The following ATP11C variants were observed in gnomAD, a reference collection of about 807,000 sequenced individuals.
ATP11C encodes the protein phospholipid-transporting ATPase IG.
A neutral mutation model predicts 97.4 loss-of-function variants in ATP11C; 36 were observed. That is an observed-to-expected ratio of 0.37 (90% CI 0.28 to 0.49). The LOEUF is 0.49. ATP11C is among the 20% of genes least tolerant of loss of function. The pLI, the probability that ATP11C is intolerant of heterozygous loss-of-function variation, is 0.98. For missense variants in ATP11C, 730 were observed against 824.6 expected, an observed-to-expected ratio of 0.89 and a Z score of 1.40; for synonymous variants, 275 against 290.9, an observed-to-expected ratio of 0.95 and a Z score of 0.56.
intron 1 of ATP11C, among the ~76,000 whole-genome samples, chrX:139,868,763 C>T (rs1888171336): frequency 9.2e-6 from 1 of 108,656 alleles, no homozygotes; most frequent in South Asian, 3.9e-4. Flanking sequence ...ATTCTTACAA[C>T]ATAATAGCAA....
intron 19 of ATP11C, among the ~76,000 whole-genome samples, chrX:139,771,516 G>A (rs2082254666): frequency 9.0e-6 from 1 of 111,685 alleles, no homozygotes; most frequent in African/African-American, 3.3e-5. Flanking sequence ...GGGCTCACAG[G>A]AAGACAGGAA....
Position 139,727,683 on chromosome X carries a change from T to G in ATP11C, c.*1283A>C, listed in dbSNP as rs2081274631. Reference sequence around the variant, plus strand: ...AAAGACAAAAAAAAAACAAAAAAACTAGCAGTCAAATAAATATGGTCATTT... The same window carrying G: ...AAAGACAAAAAAAAAACAAAAAAACGAGCAGTCAAATAAATATGGTCATTT... On this transcript the variant is annotated 3_prime_UTR_variant, in exon 30 of 30. Coordinates refer to ENST00000682941, the MANE Select transcript of ATP11C (RefSeq NM_001353812.2). 1 of 110,212 alleles carries G rather than the reference T, an allele frequency of 9.1e-6. No homozygotes were observed. The highest frequency in any genetic ancestry group is 3.3e-5 in the African/African-American group (1 of 30,311). The allele number at this position is 110,212 out of a possible 1,213,427, so 9.1% of individuals were successfully genotyped here. A position where few individuals can be genotyped will look rare whatever the true frequency, so the allele number is the denominator to read the frequency against.
intron 1 of ATP11C, among the ~76,000 whole-genome samples, chrX:139,874,209 A>AT (rs140962708): frequency 0.018 from 1,509 of 81,935 alleles, 25 homozygotes; most frequent in African/African-American, 0.047. Context: ...TGCCTGGCTA[A>AT]TTTTTTTTTT....
rs1289489647 is a variant in ATP11C at position 139,726,461 on chromosome X, C to T, written c.*2505G>A. On this transcript the variant is annotated 3_prime_UTR_variant, in exon 30 of 30. Transcript: ENST00000682941. ...TCACATTCATTTTAGAAAGCAACAA[C>T]GTAGATGTAAAAAACTGCTTAAGTG... 1.8e-5 allele frequency: 2 copies of T among 112,373 alleles called. No individual in the cohort carries two copies. Among genetic ancestry groups the T allele is most frequent in the Non-Finnish European group, 3.8e-5 (2 of 53,215 alleles). 9.3% of individuals were successfully genotyped at this position (112,373 alleles called of 1,213,427 possible).
intron 11 of ATP11C, among the ~76,000 whole-genome samples, chrX:139,796,925 A>C (rs5954575): frequency 0.059 from 6,503 of 110,184 alleles, 439 homozygotes; most frequent in African/African-American, 0.2. Context: ...AAGAAAAAAA[A>C]CTCTTTTTTT....
chrX:139,732,041 G>T (rs1489504310), intron 28 of ATP11C, among the ~76,000 whole-genome samples: 1 of 111,154 alleles, frequency 9.0e-6, no homozygotes, highest in Admixed American at 9.6e-5. Flanking sequence ...AAGTAATATG[G>T]TAAGATGAGT....
In ATP11C at chrX:139,727,721, G is replaced by A. The variant is rs1252873327; in HGVS notation, c.*1245C>T. 1 of 110,865 alleles carries A rather than the reference G, an allele frequency of 9.0e-6. No homozygotes were observed. The highest frequency in any genetic ancestry group is 1.9e-5 in the Non-Finnish European group (1 of 52,817). 9.1% of individuals were successfully genotyped at this position (110,865 alleles called of 1,213,427 possible). A position where few individuals can be genotyped will look rare whatever the true frequency, so the allele number is the denominator to read the frequency against. ...AATATGGTCATTTATATCCAAAAAA[G>A]TATGTGTTTAACATTGAATGAAGAC... On this transcript the variant is annotated 3_prime_UTR_variant, in exon 30 of 30. Transcript: ENST00000682941.
At position 139,743,611 on chromosome X, in the gene ATP11C, C is replaced by A; in HGVS notation, c.2978G>T (p.Trp993Leu). 1 of 1,155,937 alleles carries A rather than the reference C, an allele frequency of 8.7e-7. No individual in the cohort carries two copies. Among genetic ancestry groups the A allele is most frequent in the Non-Finnish European group, 1.2e-6 (1 of 854,354 alleles). ...LEENGKVYGN[W>L]TFGTIVFTVL... is the part of the protein sequence containing the mutation. ...TGTAAAAACAATGGTTCCAAAAGTC[C>A]AGTTTCCGTATACCTGAAAAACATT... Residue 993 changes from tryptophan (W) to leucine (L), a missense_variant, in exon 26 of 30, where the codon TGG becomes TTG. Physicochemically the swap from Trp to Leu is moderately conservative, Grantham distance 61. Transcript: ENST00000682941.
chrX:139,893,023 G>C (rs1399524898), intron 1 of ATP11C, among the ~76,000 whole-genome samples: 5 of 111,816 alleles, frequency 4.5e-5, no homozygotes, highest in Non-Finnish European at 9.4e-5. Context: ...AGTATACAGA[G>C]ATCTTGTCTC....
At chrX:139,868,403 G>A (rs962472385) in intron 1 of ATP11C, among the ~76,000 whole-genome samples, 7 of 110,240 alleles carry the variant, frequency 6.3e-5, no homozygotes, top group African/African-American at 2.3e-4. Flanking sequence ...TCTGACAAGG[G>A]GCTAATATCT....
chrX:139,858,872 G>A (rs2084135966), intron 1 of ATP11C, among the ~76,000 whole-genome samples: 1 of 111,818 alleles, frequency 8.9e-6, no homozygotes, highest in African/African-American at 3.3e-5. Context: ...TAATACCATG[G>A]TTTTTAACAT....
chrX:139,743,675 T>C (rs1426196377), intron 25 of ATP11C, 51 bp from the exon 26 acceptor site: 1 of 762,409 alleles, frequency 1.3e-6, no homozygotes, highest in Non-Finnish European at 1.8e-6. Flanking sequence ...AGTATTATCT[T>C]AGTATTTTTT....
chrX:139,850,998 G>A (rs2083980761), intron 1 of ATP11C, among the ~76,000 whole-genome samples: 2 of 111,669 alleles, frequency 1.8e-5, no homozygotes, highest in African/African-American at 6.5e-5. Context: ...AAGCATTCCT[G>A]GGGAGCAAAC....
At chrX:139,856,694 A>C (rs2084095458) in intron 1 of ATP11C, among the ~76,000 whole-genome samples, 1 of 112,504 alleles carries the variant, frequency 8.9e-6, no homozygotes, top group Admixed American at 9.4e-5. Context: ...CCCGAAATCA[A>C]ATAGCTGCAG....
intron 1 of ATP11C, among the ~76,000 whole-genome samples, chrX:139,899,945 G>GA (rs1186992453): frequency 3.3e-4 from 37 of 111,424 alleles, no homozygotes; most frequent in African/African-American, 1.1e-3. Flanking sequence ...AACATGAAGT[G>GA]AATTAAGAGC....
intron 22 of ATP11C, among the ~76,000 whole-genome samples, chrX:139,758,614 AAAAGCTACTAAG>A (rs1331302504): frequency 8.9e-5 from 10 of 112,192 alleles, no homozygotes; most frequent in Admixed American, 6.6e-4. Flanking sequence ...ATAAGGTAGT[AAAAGCTACTAAG>A]TGTGATTATA....
intron 5 of ATP11C, among the ~76,000 whole-genome samples, chrX:139,811,413 C>T (rs2083172789): frequency 9.0e-6 from 1 of 111,555 alleles, no homozygotes; most frequent in Admixed American, 9.5e-5. Context: ...AAGTGAATTC[C>T]TGATTTCTCT....
chrX:139,916,773 T>C (rs1276747599), intron 1 of ATP11C, among the ~76,000 whole-genome samples: 2 of 111,184 alleles, frequency 1.8e-5, no homozygotes, highest in Non-Finnish European at 3.8e-5. Context: ...ATAAAATCCA[T>C]ATGGAATCTT....
chrX:139,767,111 T>A (rs916376674), intron 20 of ATP11C, among the ~76,000 whole-genome samples: 1 of 111,670 alleles, frequency 9.0e-6, no homozygotes, highest in Non-Finnish European at 1.9e-5. Context: ...AGGCGCCACA[T>A]TCACTCAACT....
Sources: gnomAD v4.1 joint callset for allele counts (sites outside exome capture counted in the v4.1 genomes callset) on GRCh38, gnomAD v4.1.1 for gene constraint, MANE v1.5 for transcripts, NCBI Gene and HGNC (gene_info 2026-07-23, HGNC 2026-07-21) for gene names.